FSHR: variants seen among roughly 807,000 people sequenced by gnomAD.
FSHR encodes the protein follicle-stimulating hormone receptor.
In FSHR, 46 loss-of-function variants were observed where a neutral mutation model predicts 52.1. That is an observed-to-expected ratio of 0.88 (90% CI 0.70 to 1.13). The LOEUF (loss-of-function observed/expected upper bound fraction) is 1.13. Among genes scored for constraint, FSHR ranks in the 50% most tolerant of loss-of-function variants. The pLI, the probability that FSHR is intolerant of heterozygous loss-of-function variation, is 0.00. For synonymous variants in FSHR, 399 were observed against 309.6 expected, an observed-to-expected ratio of 1.29 and a Z score of -3.03; for missense variants, 964 against 834.6, an observed-to-expected ratio of 1.16 and a Z score of -1.91.
chr2:49,046,623 C>T (rs1244214392), intron 2 of FSHR, among the ~76,000 whole-genome samples: 2 of 152,200 alleles, frequency 1.3e-5, no homozygotes, highest in East Asian at 1.9e-4. Context: ...ATGAGAACTC[C>T]TTGAGTGCAG....
At chr2:49,091,661 G>C (rs1343661099) in intron 1 of FSHR, among the ~76,000 whole-genome samples, 1 of 152,168 alleles carries the variant, frequency 6.6e-6, no homozygotes, top group Admixed American at 6.5e-5. Flanking sequence ...TCCTTTTGCT[G>C]ATGAATTACG....
intron 1 of FSHR, among the ~76,000 whole-genome samples, chr2:49,089,911 G>C (rs1022083432): frequency 6.6e-6 from 1 of 152,152 alleles, no homozygotes; most frequent in African/African-American, 2.4e-5. Flanking sequence ...TGCAAAGCGT[G>C]TACATTCTAG....
chr2:48,996,034 G>A (rs1367964582), intron 4 of FSHR, among the ~76,000 whole-genome samples: 1 of 152,002 alleles, frequency 6.6e-6, no homozygotes, highest in African/African-American at 2.4e-5. Flanking sequence ...CCAGTTGTGT[G>A]TCCAGTTTAT....
intron 8 of FSHR, among the ~76,000 whole-genome samples, chr2:48,969,183 G>A (rs1674620028): frequency 6.6e-6 from 1 of 152,170 alleles, no homozygotes; most frequent in Non-Finnish European, 1.5e-5. Context: ...AGTAGAATTA[G>A]CCACCTTCCC....
intron 2 of FSHR, among the ~76,000 whole-genome samples, chr2:49,044,853 T>G (rs2104289892): frequency 6.6e-6 from 1 of 152,334 alleles, no homozygotes; most frequent in Non-Finnish European, 1.5e-5. Context: ...GATACAGTTT[T>G]TCTGTCACAA....
intron 2 of FSHR, among the ~76,000 whole-genome samples, chr2:49,040,165 A>T (rs1176590195): frequency 6.6e-6 from 1 of 152,168 alleles, no homozygotes; most frequent in Admixed American, 6.5e-5. Context: ...ATCAAATTTG[A>T]TGTCTACTTT....
At chr2:49,133,059 G>T (rs757353221) in intron 1 of FSHR, among the ~76,000 whole-genome samples, 3 of 150,296 alleles carry the variant, frequency 2.0e-5, no homozygotes, top group Non-Finnish European at 4.4e-5. Context: ...AGAGCGGGTG[G>T]AGACCCCACT....
At chr2:49,132,175 A>G (rs768031746) in intron 1 of FSHR, among the ~76,000 whole-genome samples, 1 of 152,174 alleles carries the variant, frequency 6.6e-6, no homozygotes, top group Non-Finnish European at 1.5e-5. Context: ...TGGATGATGT[A>G]CTGCTTTGTT....
intron 1 of FSHR, among the ~76,000 whole-genome samples, chr2:49,090,009 C>A (rs12052611): frequency 0.52 from 78,819 of 152,058 alleles, 20,901 homozygotes; most frequent in East Asian, 0.76. Context: ...TTTATTGAAG[C>A]CCTATCATGT....
intron 2 of FSHR, among the ~76,000 whole-genome samples, chr2:49,066,351 T>C (rs1263394429): frequency 1.3e-5 from 2 of 151,878 alleles, no homozygotes; most frequent in African/African-American, 4.8e-5. Flanking sequence ...GATTAACAAC[T>C]GGAAGAACAC....
chr2:49,011,807 C>T (rs778255553), intron 4 of FSHR, among the ~76,000 whole-genome samples: 1 of 152,066 alleles, frequency 6.6e-6, no homozygotes, highest in Non-Finnish European at 1.5e-5. Flanking sequence ...TCTTGACTCC[C>T]TACCCTCTGT....
intron 1 of FSHR, among the ~76,000 whole-genome samples, chr2:49,134,097 A>C (rs1224750185): frequency 2.0e-5 from 3 of 152,240 alleles, no homozygotes; most frequent in African/African-American, 7.2e-5. Flanking sequence ...GAGCTTCTGC[A>C]TAGCAAAAGA....
chr2:49,043,696 C>T (rs1003181719), intron 2 of FSHR, among the ~76,000 whole-genome samples: 12 of 152,174 alleles, frequency 7.9e-5, no homozygotes, highest in Admixed American at 7.2e-4. Context: ...ATACAGTTAT[C>T]TCAGTGCATG....
In FSHR at chr2:48,963,900, A is replaced by G. The variant is rs751421097; in HGVS notation, c.921T>C (p.Ala307=). The change falls in exon 10 of 10, where the codon GCT becomes GCC. Residue 307 remains alanine, a synonymous_variant. Coordinates refer to ENST00000406846, the MANE Select transcript of FSHR (RefSeq NM_000145.4). ...LRQEVDYMTQ[A]RGQRSSLAED... ...CTGCCAGAGAGGATCTCTGACCCCTAGCCTGAGTCATATAATCAACTTCTT... is the reference window on the plus strand; with the variant it reads ...CTGCCAGAGAGGATCTCTGACCCCTGGCCTGAGTCATATAATCAACTTCTT... 6.2e-7 allele frequency: 1 copy of G among 1,613,840 alleles called. No homozygotes were observed. The highest frequency in any genetic ancestry group is 1.3e-5 in the African/African-American group (1 of 74,920).
chr2:49,017,103 A>C (rs1219976716), intron 4 of FSHR, among the ~76,000 whole-genome samples: 1 of 152,220 alleles, frequency 6.6e-6, no homozygotes, highest in Admixed American at 6.5e-5. Flanking sequence ...GATATTTATC[A>C]AGGGAAAAAT....
intron 1 of FSHR, among the ~76,000 whole-genome samples, chr2:49,108,068 C>T (rs534864694): frequency 1.5e-4 from 23 of 152,212 alleles, no homozygotes; most frequent in Admixed American, 5.9e-4. Flanking sequence ...CCTTCTCTAA[C>T]GTGAATGGGC....
At chr2:48,980,589 G>T (rs1282983490) in intron 8 of FSHR, among the ~76,000 whole-genome samples, 1 of 152,154 alleles carries the variant, frequency 6.6e-6, no homozygotes, top group Non-Finnish European at 1.5e-5. Context: ...GTGTTCTTAG[G>T]CTGGGAGGCT....
Position 48,983,495 on chromosome 2 carries a change from C to T in FSHR, c.525-329G>A, listed in dbSNP as rs371985775. Among the ~76,000 whole-genome samples, 51 of 152,224 alleles carry T rather than the reference C, an allele frequency of 3.4e-4. No individual in the cohort carries two copies. The South Asian group carries it at 9.4e-3, about 28-fold the overall frequency. On this transcript the variant is annotated intron_variant, in intron 6 of 9. Coordinates refer to ENST00000406846, the MANE Select transcript of FSHR (RefSeq NM_000145.4). ...ATCATTTGTGTGTAGAGAAGCAATG[C>T]GGGGAGCGACAGATCTTTCTCATCC...
intron 4 of FSHR, among the ~76,000 whole-genome samples, chr2:49,008,454 C>G (rs1316040496): frequency 1.3e-5 from 2 of 151,800 alleles, no homozygotes; most frequent in African/African-American, 4.8e-5. Flanking sequence ...TGTTCCAAGT[C>G]TTTGCTATTG....
Sources: allele counts gnomAD v4.1 joint callset (sites outside exome capture counted in the v4.1 genomes callset), GRCh38; gene constraint gnomAD v4.1.1; transcripts MANE v1.5; gene names NCBI Gene and HGNC (gene_info 2026-07-23, HGNC 2026-07-21).